PIEZO2: variants seen among roughly 807,000 people sequenced by gnomAD.
The protein encoded by PIEZO2 is piezo-type mechanosensitive ion channel component 2.
Under a neutral mutation model 337.3 loss-of-function variants are expected in PIEZO2, and 172 were observed. That is an observed-to-expected ratio of 0.51 (90% CI 0.45 to 0.58). The LOEUF (loss-of-function observed/expected upper bound fraction) is 0.58. Among genes scored for constraint, PIEZO2 ranks in the 20% least tolerant of loss-of-function variants. PIEZO2 has a pLI of 0.00. For missense variants in PIEZO2, 3,028 were observed against 3,391.3 expected (o/e 0.89, Z 2.66); for synonymous variants, 1,251 against 1,228.5 (o/e 1.02, Z -0.38).
chr18:10,717,528 G>T (rs565189639), intron 37 of PIEZO2, among the ~76,000 whole-genome samples: 98 of 152,372 alleles, frequency 6.4e-4, no homozygotes, highest in African/African-American at 2.2e-3. Flanking sequence ...AGCAGACGAA[G>T]AAATGGCATG....
At chr18:10,986,349 A>G (rs937146441) in intron 2 of PIEZO2, among the ~76,000 whole-genome samples, 3 of 152,034 alleles carry the variant, frequency 2.0e-5, no homozygotes, top group African/African-American at 7.2e-5. Context: ...ATATACTAGC[A>G]AACTGAATTC....
rs114683992 is a variant in PIEZO2 at position 10,944,347 on chromosome 18, G to A, written c.287-33119C>T. 9.8e-3 allele frequency among the ~76,000 whole-genome samples: 1,491 copies of A among 151,454 alleles called. 29 individuals carry two copies. Among genetic ancestry groups the A allele is most frequent in the African/African-American group, 0.034 (1,393 of 41,322 alleles). ...CCAAGAAAGAAACAATATTCGGTGG[G>A]ATAACGTGTACCAATTTTTTCAGAT... On this transcript the variant is annotated intron_variant, in intron 3 of 55. Transcript: ENST00000674853.
At position 10,773,992 on chromosome 18, in the gene PIEZO2, A is replaced by G. The variant is rs1291703051; in HGVS notation, c.2567+14T>C. ...TGTAGAGCAAGCATTTCATGGCTTCACAGGGGGACTTACTCATTTTGGTGG... is the reference window on the plus strand; with the variant it reads ...TGTAGAGCAAGCATTTCATGGCTTCGCAGGGGGACTTACTCATTTTGGTGG... On this transcript the variant is annotated intron_variant, in intron 19 of 55. Transcript: ENST00000674853. This position sits in a 1 kb window ranked among gnomAD's most constrained non-coding sequence, Gnocchi z 5.3. 8.5e-6 allele frequency: 6 copies of G among 703,118 alleles called. No individual in the cohort carries two copies. Among genetic ancestry groups the G allele is most frequent in the Non-Finnish European group, 1.6e-5 (6 of 385,016 alleles). 43.6% of individuals were successfully genotyped at this position (703,118 alleles called of 1,614,324 possible).
At chr18:10,729,400 C>CG (rs761356120) in intron 36 of PIEZO2, among the ~76,000 whole-genome samples, 13 of 151,906 alleles carry the variant, frequency 8.6e-5, no homozygotes, top group African/African-American at 1.2e-4. Context: ...CCAAGGTGGA[C>CG]GGATCACTTG....
intron 1 of PIEZO2, among the ~76,000 whole-genome samples, chr18:11,075,469 C>T (rs1293633158): frequency 6.6e-6 from 1 of 152,200 alleles, no homozygotes; most frequent in Non-Finnish European, 1.5e-5. Flanking sequence ...CTGTGTTTTA[C>T]ATCGGTTGAA....
intron 18 of PIEZO2, among the ~76,000 whole-genome samples, chr18:10,777,553 A>C (rs2038832898): frequency 6.6e-6 from 1 of 152,246 alleles, no homozygotes; most frequent in African/African-American, 2.4e-5. Context: ...GAAACAAATT[A>C]CTTGACAGGG....
chr18:11,011,323 T>TA (rs2035892614), intron 2 of PIEZO2, among the ~76,000 whole-genome samples: 3 of 152,240 alleles, frequency 2.0e-5, no homozygotes. Flanking sequence ...TGTGATGGCA[T>TA]AAAGTTTGCA....
Position 10,724,134 on chromosome 18 carries a change from A to G in PIEZO2, c.5030-5875T>C, listed in dbSNP as rs1658952144. ...GATTAGAATCATGAATAAGGGGCTC[A>G]GTCCTTGCCTTCAGGAGCTCAGGCT... On this transcript the variant is annotated intron_variant, in intron 36 of 55. Transcript: ENST00000674853. This position sits in a 1 kb window ranked among gnomAD's most constrained non-coding sequence, Gnocchi z 5.8. Among the ~76,000 whole-genome samples the G allele has an allele frequency of 6.6e-6, 1 of 152,192 alleles. No homozygotes were observed. The highest frequency in any genetic ancestry group is 2.1e-4 in the South Asian group (1 of 4,832).
In PIEZO2 at chr18:10,846,078, A is replaced by G. The variant is rs2041349874; in HGVS notation, c.917+9275T>C. 6.6e-6 allele frequency among the ~76,000 whole-genome samples: 1 copy of G among 152,218 alleles called. No homozygotes were observed. The highest frequency in any genetic ancestry group is 1.9e-4 in the East Asian group (1 of 5,200). Reference sequence around the variant, plus strand: ...CCCACACATCTTATAGCCAGTGGCCACATCTGAAGCTTAGTATATTAGTCC... The same window carrying G: ...CCCACACATCTTATAGCCAGTGGCCGCATCTGAAGCTTAGTATATTAGTCC... On this transcript the variant is annotated intron_variant, in intron 7 of 55. Coordinates refer to ENST00000674853, the MANE Select transcript of PIEZO2 (RefSeq NM_001378183.1). The surrounding 1 kb of genome is among the most constrained non-coding windows in gnomAD (Gnocchi z 4.1).
chr18:10,671,807 A>C, intron 55 of PIEZO2, 28 bp from the exon 56 acceptor site: 1 of 1,572,344 alleles, frequency 6.4e-7, no homozygotes, highest in Non-Finnish European at 8.6e-7. Flanking sequence ...TAGAAATTGC[A>C]TACAGCAGTT....
chr18:10,914,657 G>A (rs1295567853), intron 3 of PIEZO2, among the ~76,000 whole-genome samples: 1 of 152,018 alleles, frequency 6.6e-6, no homozygotes, highest in African/African-American at 2.4e-5. Flanking sequence ...CCATGGATAC[G>A]GAGGGCCAAC....
intron 3 of PIEZO2, among the ~76,000 whole-genome samples, chr18:10,946,910 T>A (rs969117757): frequency 1.3e-5 from 2 of 151,548 alleles, no homozygotes; most frequent in African/African-American, 4.8e-5. Flanking sequence ...GATGTTGGAA[T>A]TATCTGGCAA....
At chr18:10,741,936 G>A (rs538056049) in intron 32 of PIEZO2, among the ~76,000 whole-genome samples, 7 of 152,062 alleles carry the variant, frequency 4.6e-5, no homozygotes, top group Admixed American at 6.5e-5. Context: ...GGCGGATCAC[G>A]AGGTCAGGAG....
rs547717354 is a variant in PIEZO2 at position 10,725,198 on chromosome 18, T to C, written c.5029+6209A>G. On this transcript the variant is annotated intron_variant, in intron 36 of 55. Transcript: ENST00000674853. ...TTCATCCATCAGGCAGTTGGCATCA[T>C]TGAGGCTGTTCTGGAGAAGTTTGGA... is the stretch of plus-strand genomic sequence containing the variant. 115 of 1,553,810 alleles carry C rather than the reference T, an allele frequency of 7.4e-5. No homozygotes were observed. The African/African-American group carries it at 1.3e-3, about 18-fold the overall frequency.
chr18:10,872,090 T>G lies in PIEZO2; in HGVS notation c.330-675A>C, dbSNP rs974075785. ...CCTTCCTTATTTTGTTCAAGTGACA[T>G]GAGATACTAGGTCACGGTTTTAGAA... is the stretch of plus-strand genomic sequence containing the variant. On this transcript the variant is annotated intron_variant, in intron 4 of 55. Coordinates refer to ENST00000674853, the MANE Select transcript of PIEZO2 (RefSeq NM_001378183.1). The surrounding 1 kb of genome is among the most constrained non-coding windows in gnomAD (Gnocchi z 4.3). 4.6e-5 allele frequency among the ~76,000 whole-genome samples: 7 copies of G among 152,198 alleles called. No homozygotes were observed. In the East Asian group the frequency reaches 1.2e-3, roughly 25 times the overall value.
In PIEZO2 at chr18:10,707,525, T is replaced by C. The variant is rs1284178883; in HGVS notation, c.5588+750A>G. 6.6e-6 allele frequency among the ~76,000 whole-genome samples: 1 copy of C among 152,206 alleles called. No homozygotes were observed. The highest frequency in any genetic ancestry group is 2.4e-5 in the African/African-American group (1 of 41,444). On this transcript the variant is annotated intron_variant, in intron 40 of 55. Coordinates refer to ENST00000674853, the MANE Select transcript of PIEZO2 (RefSeq NM_001378183.1). The surrounding 1 kb of genome is among the most constrained non-coding windows in gnomAD (Gnocchi z 4.2). The stretch of plus-strand genomic sequence containing the variant: ...AAACTTGTCTTGGATTAGGCTGTTT[T>C]CGTGTCAGGAGAAACACAGTGTAGC...
Position 10,707,435 on chromosome 18 carries a change from C to T in PIEZO2, c.5588+840G>A, listed in dbSNP as rs1383243163. ...GTGTCAGCATACTGCAGGGATGCAC[C>T]GAGATACACGGCTGCCAGTGAAAAG... is the stretch of plus-strand genomic sequence containing the variant. On this transcript the variant is annotated intron_variant, in intron 40 of 55. Transcript: ENST00000674853. The surrounding 1 kb of genome is among the most constrained non-coding windows in gnomAD (Gnocchi z 4.2). 1.3e-5 allele frequency among the ~76,000 whole-genome samples: 2 copies of T among 151,810 alleles called. No individual in the cohort carries two copies. Among genetic ancestry groups the T allele is most frequent in the East Asian group, 1.9e-4 (1 of 5,172 alleles).
chr18:11,099,780 G>T lies in PIEZO2; in HGVS notation c.65-33558C>A, dbSNP rs1333487849. On this transcript the variant is annotated intron_variant, in intron 1 of 55. Coordinates refer to ENST00000674853, the MANE Select transcript of PIEZO2 (RefSeq NM_001378183.1). The surrounding 1 kb of genome is among the most constrained non-coding windows in gnomAD (Gnocchi z 5.4). ...GTCCTATATCTTTATTCTTAATGAGGTTGATTTTCTTTTTATTTGATTCAT... is the reference window on the plus strand; with the variant it reads ...GTCCTATATCTTTATTCTTAATGAGTTTGATTTTCTTTTTATTTGATTCAT... 2.6e-5 allele frequency among the ~76,000 whole-genome samples: 4 copies of T among 152,110 alleles called. No homozygotes were observed. Among genetic ancestry groups the T allele is most frequent in the Non-Finnish European group, 5.9e-5 (4 of 68,024 alleles).
chr18:11,142,583 C>G (rs1043430219), intron 1 of PIEZO2, among the ~76,000 whole-genome samples: 1 of 151,788 alleles, frequency 6.6e-6, no homozygotes, highest in Non-Finnish European at 1.5e-5. Flanking sequence ...AGTTCAAAAC[C>G]AGCCTGGCCA....
Sources: allele counts gnomAD v4.1 joint callset (sites outside exome capture counted in the v4.1 genomes callset), GRCh38; gene constraint gnomAD v4.1.1; non-coding constraint Gnocchi (gnomAD v3.1); transcripts MANE v1.5; gene names NCBI Gene and HGNC (gene_info 2026-07-23, HGNC 2026-07-21).